Variants in FYCO1 observed in about 807,000 individuals in gnomAD.
The protein encoded by FYCO1 is FYVE and coiled-coil domain autophagy adaptor 1.
In FYCO1, 122 loss-of-function variants were observed where a neutral mutation model predicts 165.1. The observed-to-expected ratio is 0.74, with a 90% confidence interval of 0.64 to 0.86. FYCO1 has a LOEUF of 0.86. FYCO1 is among the 40% of genes least tolerant of loss of function. The probability of loss-of-function intolerance (pLI) is 0.00; values close to 1 mark genes in which losing one functional copy is unlikely to be tolerated. For missense variants in FYCO1, 1,702 were observed against 1,810.3 expected (o/e 0.94, Z 1.09); for synonymous variants, 648 against 742.5 (o/e 0.87, Z 2.07).
At chr3:45,994,162 G>C (rs117806446) in intron 1 of FYCO1, among the ~76,000 whole-genome samples, 1 of 151,716 alleles carries the variant, frequency 6.6e-6, no homozygotes, top group East Asian at 1.9e-4. Context: ...AAAGGTCATC[G>C]GAACAACAGC....
intron 6 of FYCO1, among the ~76,000 whole-genome samples, chr3:45,972,815 A>G (rs1706519851): frequency 6.6e-6 from 1 of 152,188 alleles, no homozygotes; most frequent in African/African-American, 2.4e-5. Flanking sequence ...CGTAACAACA[A>G]GTGCCTTAAA....
At chr3:45,945,193 C>T (rs960155279) in intron 14 of FYCO1, 1 of 152,264 alleles carries the variant, frequency 6.6e-6, no homozygotes, top group Non-Finnish European at 1.5e-5. Context: ...GTAACCTCAT[C>T]GTTTATATGC....
At chr3:45,930,908 A>C (rs1417452642) in intron 16 of FYCO1, among the ~76,000 whole-genome samples, 163 bp downstream of exon 16, 4 of 152,224 alleles carry the variant, frequency 2.6e-5, no homozygotes, top group African/African-American at 9.6e-5. Flanking sequence ...CAAACTGGAC[A>C]AGGCCCAGGT....
intron 1 of FYCO1, among the ~76,000 whole-genome samples, chr3:45,989,458 C>G (rs1351744742): frequency 6.6e-6 from 1 of 152,174 alleles, no homozygotes; most frequent in Admixed American, 6.5e-5. Context: ...GACTGCCCTT[C>G]CCAGAGCTTC....
rs1176470970 is a variant in FYCO1 at position 45,964,571 on chromosome 3, G to A, written c.3151-117C>T. 6.5e-7 allele frequency: 1 copy of A among 1,545,308 alleles called. No homozygotes were observed. Among genetic ancestry groups the A allele is most frequent in the Admixed American group, 1.9e-5 (1 of 51,992 alleles). On this transcript the variant is annotated intron_variant, in intron 9 of 17. Coordinates refer to ENST00000296137, the MANE Select transcript of FYCO1 (RefSeq NM_024513.4). The surrounding 1 kb of genome is among the most constrained non-coding windows in gnomAD (Gnocchi z 4.1). ...CTGGGTCACTTCTAAATGGAGGGTT[G>A]TTTCCTATTAAGTTCAAGAGGCCAT...
At chr3:45,936,750 AAGACAAT>A (rs1194442472) in intron 14 of FYCO1, among the ~76,000 whole-genome samples, 1 of 152,044 alleles carries the variant, frequency 6.6e-6, no homozygotes, top group East Asian at 1.9e-4. Flanking sequence ...GGACAAGGAG[AAGACAAT>A]AGGGCTACAG....
intron 6 of FYCO1, 84 bp from the exon 7 acceptor site, chr3:45,969,849 G>T: frequency 1.8e-6 from 2 of 1,112,482 alleles, no homozygotes; most frequent in Admixed American, 3.9e-5. Flanking sequence ...AGGCAACCAG[G>T]TGGTGGTAGG....
Position 45,931,103 on chromosome 3 carries a change from C to T in FYCO1, c.4219G>A (p.Glu1407Lys), listed in dbSNP as rs776739152. Residue 1407 changes from glutamate (E) to lysine (K), a missense_variant, in exon 16 of 18, where the codon GAG becomes AAG. By Grantham distance (56) the Glu-to-Lys change is moderately conservative. Transcript: ENST00000296137. ...KSISFSVVFQ[E>K]AEDTPLDQCK... ...TGATCCAGCGGTGTGTCCTCGGCCT[C>T]CTGGAAGACCACACTGAAGGAGATG... 2.0e-5 allele frequency: 33 copies of T among 1,613,728 alleles called. No individual in the cohort carries two copies. Among genetic ancestry groups the T allele is most frequent in the Non-Finnish European group, 2.7e-5 (32 of 1,179,884 alleles).
chr3:45,973,852 G>T (rs932888171), intron 5 of FYCO1, among the ~76,000 whole-genome samples: 8 of 152,084 alleles, frequency 5.3e-5, no homozygotes, highest in Admixed American at 4.6e-4. Flanking sequence ...GAACCCAGGA[G>T]TTTGAGGCCA....
At chr3:45,950,398 T>C (rs2125828245) in intron 14 of FYCO1, among the ~76,000 whole-genome samples, 1 of 152,174 alleles carries the variant, frequency 6.6e-6, no homozygotes, top group South Asian at 2.1e-4. Flanking sequence ...TGACACTGAC[T>C]CTAGGGGCTA....
chr3:45,987,426 A>C (rs1254108765), intron 1 of FYCO1, among the ~76,000 whole-genome samples: 1 of 152,230 alleles, frequency 6.6e-6, no homozygotes, highest in African/African-American at 2.4e-5. Flanking sequence ...GTGGGATCTG[A>C]GGAAGGGAAA....
Position 45,962,399 on chromosome 3 carries a change from G to A in FYCO1, c.3270-7C>T, listed in dbSNP as rs1705751510. On this transcript the variant is annotated splice_polypyrimidine_tract_variant and splice_region_variant and intron_variant, in intron 10 of 17. Coordinates refer to ENST00000296137, the MANE Select transcript of FYCO1 (RefSeq NM_024513.4). This position sits in a 1 kb window ranked among gnomAD's most constrained non-coding sequence, Gnocchi z 4.4. Reference sequence around the variant, plus strand: ...TTCGAGTTCCTTCTGGGTCCTGGGGGAGGAGTGGTAAGTTTTCTTGATTAG... The same window carrying A: ...TTCGAGTTCCTTCTGGGTCCTGGGGAAGGAGTGGTAAGTTTTCTTGATTAG... 1 of 1,613,972 alleles carries A rather than the reference G, an allele frequency of 6.2e-7. No individual in the cohort carries two copies. Among genetic ancestry groups the A allele is most frequent in the Non-Finnish European group, 8.5e-7 (1 of 1,179,864 alleles).
chr3:45,966,311 C>T lies in FYCO1; in HGVS notation c.3023G>A (p.Ser1008Asn), dbSNP rs1706008119. 6.2e-6 allele frequency: 10 copies of T among 1,614,212 alleles called. No individual in the cohort carries two copies. The highest frequency in any genetic ancestry group is 8.5e-6 in the Non-Finnish European group (10 of 1,180,032). Residue 1008 changes from serine (S) to asparagine (N), a missense_variant, in exon 8 of 18, where the codon AGT becomes AAT. Physicochemically the swap from Ser to Asn is conservative, Grantham distance 46. Coordinates refer to ENST00000296137, the MANE Select transcript of FYCO1 (RefSeq NM_024513.4). ...GCTCTGGTAGTCCATGATTTCAGCA[C>T]TCAGCTGGAACTTGAGGGTGTTGAG... ...QELNTLKFQL[S>N]AEIMDYQSRL...
chr3:45,951,141 T>C (rs2125829090), intron 14 of FYCO1, among the ~76,000 whole-genome samples: 1 of 152,208 alleles, frequency 6.6e-6, no homozygotes, highest in Middle Eastern at 3.4e-3. Flanking sequence ...CAGTGCAAGG[T>C]ACTGAGGTGG....
intron 14 of FYCO1, chr3:45,948,469 T>C (rs1704783557): frequency 6.6e-6 from 1 of 152,454 alleles, no homozygotes; most frequent in Non-Finnish European, 1.5e-5. Context: ...CATTGCTCTA[T>C]CACGGAAATG....
intron 14 of FYCO1, among the ~76,000 whole-genome samples, chr3:45,942,342 A>G (rs758168469): frequency 8.5e-5 from 13 of 152,236 alleles, no homozygotes; most frequent in Non-Finnish European, 1.8e-4. Context: ...CATCCAGCAT[A>G]GGGCCAGGCT....
chr3:45,988,692 C>T (rs954600444), intron 1 of FYCO1, among the ~76,000 whole-genome samples: 5 of 152,190 alleles, frequency 3.3e-5, no homozygotes, highest in South Asian at 2.1e-4. Context: ...ATTGAATTTC[C>T]TTGCCAACAA....
At chr3:45,928,669 T>A (rs114638843) in intron 16 of FYCO1, among the ~76,000 whole-genome samples, 2 of 152,256 alleles carry the variant, frequency 1.3e-5, no homozygotes, top group Admixed American at 6.5e-5. Context: ...ACAATGCTGC[T>A]TCTGGTTTCC....
In FYCO1 at chr3:45,958,500, G is replaced by A. The variant is rs140160920; in HGVS notation, c.3707C>T (p.Ser1236Phe). 2.5e-6 allele frequency: 4 copies of A among 1,614,032 alleles called. No individual in the cohort carries two copies. Among genetic ancestry groups the A allele is most frequent in the Non-Finnish European group, 2.5e-6 (3 of 1,180,046 alleles). ...AGTGCCTGAGCCACTGCTATCAGGGGAGCCAGGGCCTTCACTGAGCTTCTG... is the reference window on the plus strand; with the variant it reads ...AGTGCCTGAGCCACTGCTATCAGGGAAGCCAGGGCCTTCACTGAGCTTCTG... ...CFQKLSEGPG[S>F]PDSSGSGTSQ... is the part of the protein sequence containing the mutation. Residue 1236 changes from serine to phenylalanine, a missense_variant, in exon 13 of 18, where the codon TCC (serine) becomes TTC (phenylalanine). Coordinates refer to ENST00000296137, the MANE Select transcript of FYCO1 (RefSeq NM_024513.4).
Sources: allele counts gnomAD v4.1 joint callset (sites outside exome capture counted in the v4.1 genomes callset), GRCh38; gene constraint gnomAD v4.1.1; non-coding constraint Gnocchi (gnomAD v3.1); transcripts MANE v1.5; gene names NCBI Gene and HGNC (gene_info 2026-07-23, HGNC 2026-07-21).